The following MACROD2 variants were observed in gnomAD, a reference collection of about 807,000 sequenced individuals.
The protein encoded by MACROD2 is mono-ADP ribosylhydrolase 2.
MACROD2 carries 36 observed loss-of-function variants against 70.4 expected under a neutral mutation model. The observed-to-expected ratio is 0.51, with a 90% confidence interval of 0.39 to 0.68. The LOEUF is 0.68. MACROD2 is among the 30% of genes least tolerant of loss of function. The pLI, the probability that MACROD2 is intolerant of heterozygous loss-of-function variation, is 0.00. For synonymous variants in MACROD2, 172 were observed against 178.8 expected (o/e 0.96, Z 0.30); for missense variants, 496 against 538.4 (o/e 0.92, Z 0.78).
intron 5 of MACROD2, among the ~76,000 whole-genome samples, chr20:14,877,830 A>G (rs184952632): frequency 1.3e-5 from 2 of 152,118 alleles, no homozygotes; most frequent in Non-Finnish European, 1.5e-5. Flanking sequence ...AGCCCATTTG[A>G]TCATGGTGAA....
Position 15,460,993 on chromosome 20 carries a change from TATATATA to T in MACROD2, c.571+29559_571+29565del, listed in dbSNP as rs1429500460. Among the ~76,000 whole-genome samples, 9 of 81,560 alleles carry T rather than the reference TATATATA, an allele frequency of 1.1e-4. 1 individual carries two copies. The highest frequency in any genetic ancestry group is 3.5e-4 in the African/African-American group (7 of 19,984). 53.5% of individuals were successfully genotyped at this position (81,560 alleles called of 152,430 possible). The stretch of plus-strand genomic sequence containing the variant: ...CTCTCTCTCCATATATATATATATA[TATATATA>T]TATATATTTTTTTTTAATAGATGGG... On this transcript the variant is annotated intron_variant, in intron 7 of 17. Transcript: ENST00000684519.
intron 10 of MACROD2, among the ~76,000 whole-genome samples, chr20:15,930,773 G>A (rs2065564452): frequency 3.3e-5 from 5 of 152,316 alleles, no homozygotes; most frequent in Admixed American, 6.5e-5. Flanking sequence ...AAACCCAGAA[G>A]CAGTAGACTA....
intron 5 of MACROD2, among the ~76,000 whole-genome samples, chr20:15,091,975 G>A (rs181382041): frequency 4.6e-5 from 7 of 151,740 alleles, no homozygotes; most frequent in East Asian, 3.9e-4. Context: ...GTAAGTGAAC[G>A]ACAAATACTT....
intron 4 of MACROD2, among the ~76,000 whole-genome samples, chr20:14,601,060 C>T (rs1169708475): frequency 6.6e-6 from 1 of 152,042 alleles, no homozygotes; most frequent in African/African-American, 2.4e-5. Flanking sequence ...TCTGTAAACA[C>T]TGAGTTATAG....
At chr20:15,470,402 GT>G (rs2046949638) in intron 7 of MACROD2, among the ~76,000 whole-genome samples, 1 of 152,090 alleles carries the variant, frequency 6.6e-6, no homozygotes, top group South Asian at 2.1e-4. Context: ...TTGGATGTTT[GT>G]TTCACCTTGT....
intron 5 of MACROD2, among the ~76,000 whole-genome samples, chr20:14,902,751 C>G (rs2073911325): frequency 1.3e-5 from 2 of 152,078 alleles, no homozygotes; most frequent in South Asian, 4.2e-4. Context: ...AAAAGCCTAT[C>G]TAAAAGCAAA....
intron 6 of MACROD2, among the ~76,000 whole-genome samples, chr20:15,336,705 C>T (rs566710772): frequency 3.3e-5 from 5 of 151,792 alleles, no homozygotes; most frequent in Admixed American, 1.3e-4. Context: ...GTGTGGCCTG[C>T]GGGGACAGTT....
At chr20:15,183,475 CT>C (rs2076514178) in intron 5 of MACROD2, among the ~76,000 whole-genome samples, 1 of 151,850 alleles carries the variant, frequency 6.6e-6, no homozygotes, top group African/African-American at 2.4e-5. Context: ...GCACACTAGC[CT>C]GGGCAATAGA....
At chr20:15,694,708 G>A (rs1409146126) in intron 8 of MACROD2, among the ~76,000 whole-genome samples, 1 of 152,082 alleles carries the variant, frequency 6.6e-6, no homozygotes, top group Non-Finnish European at 1.5e-5. Flanking sequence ...CCATGCAAAA[G>A]CTCTTTAGTA....
At chr20:15,591,670 C>G (rs928916791) in intron 8 of MACROD2, among the ~76,000 whole-genome samples, 4 of 140,752 alleles carry the variant, frequency 2.8e-5, no homozygotes, top group African/African-American at 1.0e-4. Context: ...TGATTTCTGA[C>G]TTTTATTTTT....
intron 8 of MACROD2, among the ~76,000 whole-genome samples, chr20:15,662,897 A>G (rs1354128513): frequency 6.6e-6 from 1 of 152,186 alleles, no homozygotes; most frequent in Non-Finnish European, 1.5e-5. Flanking sequence ...GGAAAATGCT[A>G]CTTGTTCTCT....
chr20:15,204,846 C>T (rs2076687860), intron 5 of MACROD2, among the ~76,000 whole-genome samples: 1 of 152,088 alleles, frequency 6.6e-6, no homozygotes, highest in Non-Finnish European at 1.5e-5. Flanking sequence ...AAAGATTCCA[C>T]TGCATAATGA....
Position 14,445,378 on chromosome 20 carries a change from A to C in MACROD2, c.272-48101A>C, listed in dbSNP as rs1417332083. Among the ~76,000 whole-genome samples the C allele has an allele frequency of 2.6e-5, 4 of 152,208 alleles. No individual in the cohort carries two copies. In the East Asian group the frequency reaches 7.7e-4, roughly 29 times the overall value. ...CATCTCTTTTGCACAATTTTCCCATAAAGGTCATTGTATAAGGCATCAATG... is the reference window on the plus strand; with the variant it reads ...CATCTCTTTTGCACAATTTTCCCATCAAGGTCATTGTATAAGGCATCAATG... On this transcript the variant is annotated intron_variant, in intron 3 of 17. Transcript: ENST00000684519.
intron 8 of MACROD2, among the ~76,000 whole-genome samples, chr20:15,739,238 C>T (rs987092779): frequency 3.3e-5 from 5 of 152,128 alleles, no homozygotes; most frequent in Non-Finnish European, 5.9e-5. Flanking sequence ...AGATGAATTA[C>T]GTTTTGATGA....
chr20:14,883,299 T>C (rs1333805602), intron 5 of MACROD2, among the ~76,000 whole-genome samples: 1 of 152,166 alleles, frequency 6.6e-6, no homozygotes, highest in African/African-American at 2.4e-5. Context: ...CCAGGGCACA[T>C]GCATAATTTG....
At chr20:14,923,818 G>A (rs903510163) in intron 5 of MACROD2, among the ~76,000 whole-genome samples, 109 of 127,424 alleles carry the variant, frequency 8.6e-4, no homozygotes, top group Non-Finnish European at 3.4e-4. Context: ...GGGGCGGGGA[G>A]GGGGTGGAGG....
chr20:15,018,385 A>C (rs1568532762), intron 5 of MACROD2, among the ~76,000 whole-genome samples: 1 of 152,172 alleles, frequency 6.6e-6, no homozygotes, highest in Non-Finnish European at 1.5e-5. Flanking sequence ...TATTGCTCTC[A>C]GCATTTTGGG....
intron 6 of MACROD2, among the ~76,000 whole-genome samples, chr20:15,281,686 C>A (rs2077446139): frequency 6.6e-6 from 1 of 152,358 alleles, no homozygotes; most frequent in South Asian, 2.1e-4. Context: ...TCCCACCCAG[C>A]TGCTTTCATG....
At chr20:15,568,434 C>T (rs1004921298) in intron 8 of MACROD2, among the ~76,000 whole-genome samples, 1 of 152,130 alleles carries the variant, frequency 6.6e-6, no homozygotes, top group Non-Finnish European at 1.5e-5. Context: ...TTGCTCTTAC[C>T]CTATGTCTAA....
Sources: gnomAD v4.1 joint callset for allele counts (sites outside exome capture counted in the v4.1 genomes callset) on GRCh38, gnomAD v4.1.1 for gene constraint, MANE v1.5 for transcripts, NCBI Gene and HGNC (gene_info 2026-07-23, HGNC 2026-07-21) for gene names.